ADAMTSL1: variants seen among roughly 807,000 people sequenced by gnomAD.
ADAMTSL1 encodes ADAMTS like 1, also known as ADAMTS-like protein 1.
Under a neutral mutation model 201.8 loss-of-function variants are expected in ADAMTSL1, and 126 were observed. That is an observed-to-expected ratio of 0.62 (90% CI 0.54 to 0.72). The LOEUF (loss-of-function observed/expected upper bound fraction) is 0.72, where lower values mean the gene tolerates loss of function less well. Among genes scored for constraint, ADAMTSL1 ranks in the 30% least tolerant of loss-of-function variants. ADAMTSL1 has a pLI of 0.00. For synonymous variants in ADAMTSL1, 1,121 were observed against 903.4 expected (o/e 1.24, Z -4.32); for missense variants, 2,679 against 2,277.8 (o/e 1.18, Z -3.59).
chr9:18,170,720 G>C (rs1055949451), intron 2 of ADAMTSL1, among the ~76,000 whole-genome samples: 3 of 152,034 alleles, frequency 2.0e-5, no homozygotes, highest in African/African-American at 7.2e-5. Context: ...GTTTGAGATA[G>C]TAAACTACTG....
intron 1 of ADAMTSL1, among the ~76,000 whole-genome samples, chr9:17,950,870 C>T (rs1252003640): frequency 1.3e-5 from 2 of 152,046 alleles, no homozygotes; most frequent in East Asian, 3.9e-4. Flanking sequence ...AATATAAAGG[C>T]CCCATAAATG....
At chr9:18,589,968 A>G (rs1402843256) in intron 4 of ADAMTSL1, among the ~76,000 whole-genome samples, 1 of 152,140 alleles carries the variant, frequency 6.6e-6, no homozygotes, top group Non-Finnish European at 1.5e-5. Context: ...TCTGTTTGCT[A>G]GTATTTTGTG....
Position 18,886,526 on chromosome 9 carries a change from A to T in ADAMTSL1, c.4250-1305A>T, listed in dbSNP as rs535242101. On this transcript the variant is annotated intron_variant, in intron 23 of 28. Transcript: ENST00000380548. ...AAAAACTAGTGGCTTATAAACAAAC[A>T]AAACAAATTTGTTTTTTACAGTTCT... Among the ~76,000 whole-genome samples the T allele has an allele frequency of 3.9e-3, 594 of 150,756 alleles. 8 individuals carry two copies. The highest frequency in any genetic ancestry group is 0.014 in the African/African-American group (568 of 41,158).
At chr9:18,260,633 G>T (rs910934637) in intron 2 of ADAMTSL1, among the ~76,000 whole-genome samples, 8 of 152,200 alleles carry the variant, frequency 5.3e-5, no homozygotes, top group African/African-American at 1.7e-4. Flanking sequence ...CCTTGGCATT[G>T]TTTCTGCTGC....
At chr9:18,402,212 C>G (rs1218107912) in intron 2 of ADAMTSL1, among the ~76,000 whole-genome samples, 2 of 152,168 alleles carry the variant, frequency 1.3e-5, no homozygotes, top group African/African-American at 4.8e-5. Context: ...GTGAATATAA[C>G]CATTCCTCTT....
chr9:18,283,018 C>G (rs890578768), intron 2 of ADAMTSL1, among the ~76,000 whole-genome samples: 1 of 152,162 alleles, frequency 6.6e-6, no homozygotes, highest in Non-Finnish European at 1.5e-5. Context: ...TTTTTGTCTA[C>G]CTTTTCTAAC....
At chr9:18,623,181 C>G (rs1053761955) in intron 5 of ADAMTSL1, among the ~76,000 whole-genome samples, 4 of 152,124 alleles carry the variant, frequency 2.6e-5, no homozygotes, top group Middle Eastern at 3.4e-3. Flanking sequence ...AGGCATGAGC[C>G]ACTGTGCCCA....
intron 2 of ADAMTSL1, among the ~76,000 whole-genome samples, chr9:18,419,434 A>G (rs2133353985): frequency 6.6e-6 from 1 of 152,310 alleles, no homozygotes; most frequent in South Asian, 2.1e-4. Context: ...GTAACCCAGT[A>G]GTCCTATTGC....
intron 10 of ADAMTSL1, among the ~76,000 whole-genome samples, chr9:18,678,987 G>A (rs184802544): frequency 3.8e-4 from 58 of 152,288 alleles, no homozygotes; most frequent in African/African-American, 1.3e-3. Context: ...GTCTCCTGGG[G>A]AAATACACAT....
chr9:18,857,447 T>C (rs1231606531), intron 23 of ADAMTSL1, among the ~76,000 whole-genome samples: 8 of 152,236 alleles, frequency 5.3e-5, no homozygotes, highest in Non-Finnish European at 2.9e-5. Context: ...TTTTGAAATA[T>C]GTCCCTCAGA....
chr9:18,521,107 A>G (rs1818664848), intron 2 of ADAMTSL1, among the ~76,000 whole-genome samples: 1 of 152,184 alleles, frequency 6.6e-6, no homozygotes, highest in Admixed American at 6.5e-5. Context: ...GAAAAATGTG[A>G]ATGTTAGCCT....
chr9:18,285,870 C>T, intron 2 of ADAMTSL1, among the ~76,000 whole-genome samples: 1 of 152,098 alleles, frequency 6.6e-6, no homozygotes, highest in African/African-American at 2.4e-5. Context: ...CAATAAAACT[C>T]ACCCATTTAA....
In ADAMTSL1 at chr9:18,775,516, T is replaced by G. The variant is rs534137282; in HGVS notation, c.2398-227T>G. Among the ~76,000 whole-genome samples, 5 of 152,224 alleles carry G rather than the reference T, an allele frequency of 3.3e-5. No homozygotes were observed. In the East Asian group the frequency reaches 7.7e-4, roughly 24 times the overall value. On this transcript the variant is annotated intron_variant, in intron 17 of 28. Transcript: ENST00000380548. Reference sequence around the variant, plus strand: ...TGAAGCCCAGACTATATATGTAAAATAGATAAAAGGTCTTCAGGAAACCTC... The same window carrying G: ...TGAAGCCCAGACTATATATGTAAAAGAGATAAAAGGTCTTCAGGAAACCTC...
At chr9:18,538,786 T>A (rs1819952750) in intron 3 of ADAMTSL1, among the ~76,000 whole-genome samples, 5 of 152,202 alleles carry the variant, frequency 3.3e-5, no homozygotes, top group Admixed American at 3.3e-4. Context: ...TATTTGTCTA[T>A]TTTTCTCATA....
In ADAMTSL1 at chr9:18,388,954, A is replaced by G. The variant is rs2133213602; in HGVS notation, c.208-115875A>G. Among the ~76,000 whole-genome samples the G allele has an allele frequency of 2.0e-5, 3 of 151,806 alleles. No homozygotes were observed. In the South Asian group the frequency reaches 6.3e-4, roughly 32 times the overall value. On this transcript the variant is annotated intron_variant, in intron 2 of 29. Coordinates refer to the ADAMTSL1 transcript ENST00000680146. ...GTACTTCTAGTAGAGACGGGGTTTC[A>G]CCATCTTGGCTAGACTTGTCTTGAA...
At chr9:18,346,004 A>C (rs1351766275) in intron 2 of ADAMTSL1, among the ~76,000 whole-genome samples, 2 of 151,456 alleles carry the variant, frequency 1.3e-5, no homozygotes, top group East Asian at 3.9e-4. Context: ...TCCTTTTGTG[A>C]CTCTCTGGTC....
At chr9:18,111,611 T>C (rs920523417) in intron 1 of ADAMTSL1, among the ~76,000 whole-genome samples, 8 of 152,218 alleles carry the variant, frequency 5.3e-5, no homozygotes, top group Non-Finnish European at 1.0e-4. Flanking sequence ...TTTAAAAATA[T>C]GCACAAGACA....
At chr9:18,304,023 A>C (rs1415080230) in intron 2 of ADAMTSL1, among the ~76,000 whole-genome samples, 2 of 152,142 alleles carry the variant, frequency 1.3e-5, no homozygotes, top group African/African-American at 2.4e-5. Context: ...AATAAAATGC[A>C]TTTAACCTTG....
intron 1 of ADAMTSL1, among the ~76,000 whole-genome samples, chr9:18,495,048 T>C (rs902305315): frequency 5.9e-5 from 9 of 152,068 alleles, no homozygotes; most frequent in Admixed American, 2.6e-4. Flanking sequence ...ATTAAGTCAG[T>C]GAAAGTAAGA....
Sources: allele counts gnomAD v4.1 joint callset (sites outside exome capture counted in the v4.1 genomes callset), GRCh38; gene constraint gnomAD v4.1.1; transcripts MANE v1.5; gene names NCBI Gene and HGNC (gene_info 2026-07-23, HGNC 2026-07-21).